Variants in LRPAP1 observed in about 807,000 individuals in gnomAD.
The protein encoded by LRPAP1 is alpha-2-macroglobulin receptor-associated protein.
A neutral mutation model predicts 39.9 loss-of-function variants in LRPAP1; 41 were observed. That is an observed-to-expected ratio of 1.03 (90% CI 0.80 to 1.33). The LOEUF is 1.33. LRPAP1 is among the 40% of genes most tolerant of loss of function. The pLI is 0.00. For missense variants in LRPAP1, 565 were observed against 482.3 expected, an observed-to-expected ratio of 1.17 and a Z score of -1.61; for synonymous variants, 263 against 212.7, an observed-to-expected ratio of 1.24 and a Z score of -2.06.
Position 3,516,185 on chromosome 4 carries a change from G to A in LRPAP1, c.765C>T (p.Pro255=). 1 of 1,575,154 alleles carries A rather than the reference G, an allele frequency of 6.3e-7. No individual in the cohort carries two copies. The highest frequency in any genetic ancestry group is 8.6e-7 in the Non-Finnish European group (1 of 1,160,660). ...CCAGGTCCCACAGGTCAATCACCCT[G>A]GGCTCCTCGAACTCTGCAGGGGAGG... The part of the protein sequence containing the change: ...GYSTEAEFEE[P]RVIDLWDLAQ... Residue 255 remains proline, a synonymous_variant, in exon 6 of 8, where the codon CCC becomes CCT. Transcript: ENST00000650182.
intron 1 of LRPAP1, among the ~76,000 whole-genome samples, chr4:3,526,109 C>G (rs947530159): frequency 1.3e-5 from 2 of 152,256 alleles, no homozygotes; most frequent in Admixed American, 6.5e-5. Context: ...GGGGAGGCTG[C>G]ACCGCATGCC....
chr4:3,518,839 A>G (rs1427197719), intron 4 of LRPAP1, 32 bp downstream of exon 4: 4 of 975,014 alleles, frequency 4.1e-6, no homozygotes, highest in Non-Finnish European at 3.9e-6. Flanking sequence ...GGGGTGGGGC[A>G]GAGGGCAGGA....
intron 2 of LRPAP1, among the ~76,000 whole-genome samples, chr4:3,524,640 C>G (rs13145720): frequency 0.12 from 18,174 of 152,266 alleles, 1,193 homozygotes; most frequent in Non-Finnish European, 0.14. Flanking sequence ...AGCACTGAGG[C>G]GAGCAGCCAC....
intron 6 of LRPAP1, among the ~76,000 whole-genome samples, 186 bp from the exon 7 acceptor site, chr4:3,515,114 C>T (rs540451147): frequency 6.6e-6 from 1 of 152,314 alleles, no homozygotes; most frequent in South Asian, 2.1e-4. Flanking sequence ...GGTCCCAGCC[C>T]GCGCCTCCTT....
chr4:3,527,623 G>A (rs1730119917), intron 1 of LRPAP1, among the ~76,000 whole-genome samples: 2 of 152,248 alleles, frequency 1.3e-5, no homozygotes, highest in Admixed American at 6.5e-5. Context: ...CCTGGGGCAG[G>A]CAATTCAGGC....
In LRPAP1 at chr4:3,514,736, T is replaced by C. The variant is rs1225807026; in HGVS notation, c.1011+16A>G. 2 of 1,585,176 alleles carry C rather than the reference T, an allele frequency of 1.3e-6. No individual in the cohort carries two copies. The highest frequency in any genetic ancestry group is 1.7e-6 in the Non-Finnish European group (2 of 1,164,604). On this transcript the variant is annotated intron_variant, in intron 7 of 7. Coordinates refer to ENST00000650182, the MANE Select transcript of LRPAP1 (RefSeq NM_002337.4). ...AGGGGAACTGTGGCCTCCCCGGTCC[T>C]GGAACCCGTGCGCACCGTGTAGCCC...
At chr4:3,514,403 G>A (rs1280248792) in intron 7 of LRPAP1, among the ~76,000 whole-genome samples, 2 of 150,232 alleles carry the variant, frequency 1.3e-5, no homozygotes, top group Non-Finnish European at 3.0e-5. Flanking sequence ...TGTGGGGAAG[G>A]AGGCTCGCCT....
Position 3,504,821 on chromosome 4 carries a change from C to T in LRPAP1, c.*8153G>A, listed in dbSNP as rs1729304049. 6.6e-6 allele frequency among the ~76,000 whole-genome samples: 1 copy of T among 151,522 alleles called. No individual in the cohort carries two copies. Among genetic ancestry groups the T allele is most frequent in the Non-Finnish European group, 1.5e-5 (1 of 67,976 alleles). ...AATTAGCTGGGTATGGTGGCAGGTG[C>T]CCATAATCCCAGCTACTTGGGAGGC... On this transcript the variant is annotated 3_prime_UTR_variant, in exon 8 of 8. Transcript: ENST00000650182.
chr4:3,524,125 C>T (rs1231173225), intron 2 of LRPAP1, among the ~76,000 whole-genome samples: 3 of 152,176 alleles, frequency 2.0e-5, no homozygotes, highest in Non-Finnish European at 4.4e-5. Flanking sequence ...CCCACGGGCC[C>T]ACCTGGTGTG....
Position 3,506,666 on chromosome 4 carries a change from C to G in LRPAP1, c.*6308G>C, listed in dbSNP as rs1729365317. On this transcript the variant is annotated 3_prime_UTR_variant, in exon 8 of 8. Coordinates refer to ENST00000650182, the MANE Select transcript of LRPAP1 (RefSeq NM_002337.4). ...GGATTCCAGGCATGAGCCACCGCAC[C>G]CGGCCGGCTCGAGCTGTTTTTAAGA... 1.3e-5 allele frequency: 2 copies of G among 152,202 alleles called. No homozygotes were observed. Among genetic ancestry groups the G allele is most frequent in the South Asian group, 2.1e-4 (1 of 4,830 alleles). 9.4% of individuals were successfully genotyped at this position (152,202 alleles called of 1,614,324 possible).
intron 6 of LRPAP1, among the ~76,000 whole-genome samples, 186 bp from the exon 7 acceptor site, chr4:3,515,114 C>G (rs540451147): frequency 6.6e-6 from 1 of 152,196 alleles, no homozygotes; most frequent in Non-Finnish European, 1.5e-5. Context: ...GGTCCCAGCC[C>G]GCGCCTCCTT....
At chr4:3,516,798 C>T (rs1729719659) in intron 5 of LRPAP1, among the ~76,000 whole-genome samples, 1 of 152,208 alleles carries the variant, frequency 6.6e-6, no homozygotes, top group South Asian at 2.1e-4. Context: ...TCCAGAGCCG[C>T]CTGCCCATGG....
intron 5 of LRPAP1, among the ~76,000 whole-genome samples, chr4:3,517,389 C>G (rs1729745254): frequency 6.6e-6 from 1 of 152,266 alleles, no homozygotes; most frequent in Admixed American, 6.5e-5. Context: ...CGGCTGCTGT[C>G]TCCTCGAGCC....
At position 3,532,389 on chromosome 4, in the gene LRPAP1, C is replaced by A. The variant is rs745909895; in HGVS notation, c.24G>T (p.Ser8=). MAPRRVR[S]FLRGLPALLL... ...GCAGCGCCGGGAGCCCGCGCAGAAA[C>A]GACCTGACCCTCCGCGGCGCCATCT... is the stretch of plus-strand genomic sequence containing the variant. Residue 8 remains serine (S), a synonymous_variant, in exon 1 of 8, where the codon TCG becomes TCT. Coordinates refer to ENST00000650182, the MANE Select transcript of LRPAP1 (RefSeq NM_002337.4). 6.3e-6 allele frequency: 10 copies of A among 1,587,184 alleles called. No homozygotes were observed. The highest frequency in any genetic ancestry group is 8.6e-6 in the Non-Finnish European group (10 of 1,167,390).
At chr4:3,514,958 C>T in intron 6 of LRPAP1, 30 bp from the exon 7 acceptor site, 2 of 1,608,082 alleles carry the variant, frequency 1.2e-6, no homozygotes, top group Non-Finnish European at 8.5e-7. Context: ...GGTGAGTGTT[C>T]CCTTCCCGTG....
chr4:3,515,984 T>TTTA, intron 6 of LRPAP1, 132 bp downstream of exon 6: 1 of 853,336 alleles, frequency 1.2e-6, no homozygotes. Flanking sequence ...GTTCACCGAG[T>TTTA]GGTTAAGGAA....
chr4:3,529,388 G>A (rs1365663462), intron 1 of LRPAP1, among the ~76,000 whole-genome samples: 1 of 152,130 alleles, frequency 6.6e-6, no homozygotes, highest in Non-Finnish European at 1.5e-5. Flanking sequence ...CCGAGCTCAT[G>A]GCACCGTGCA....
rs1314640048 is a variant in LRPAP1, at chr4:3,532,406, G to C, written c.7C>G (p.Pro3Ala). Reference protein sequence around the residue: MAPRRVRSFLRGL... With the variant: MAARRVRSFLRGL... Reference sequence around the variant, plus strand: ...CGCAGAAACGACCTGACCCTCCGCGGCGCCATCTTCCTCTGCGACTGGCGC... The same window carrying C: ...CGCAGAAACGACCTGACCCTCCGCGCCGCCATCTTCCTCTGCGACTGGCGC... Residue 3 changes from proline to alanine, a missense_variant, in exon 1 of 8, where the codon CCG becomes GCG. Physicochemically the swap from Pro to Ala is conservative, Grantham distance 27 (BLOSUM62 -1). Coordinates refer to ENST00000650182, the MANE Select transcript of LRPAP1 (RefSeq NM_002337.4). 2.5e-6 allele frequency: 4 copies of C among 1,570,600 alleles called. No individual in the cohort carries two copies. The highest frequency in any genetic ancestry group is 1.8e-5 in the Admixed American group (1 of 55,046).
intron 5 of LRPAP1, among the ~76,000 whole-genome samples, chr4:3,516,899 G>T (rs910964938): frequency 1.1e-4 from 17 of 152,350 alleles, no homozygotes; most frequent in Middle Eastern, 3.4e-3. Flanking sequence ...CTTGCTGGAA[G>T]GCCCAGGCAG....
Sources: allele counts gnomAD v4.1 joint callset (sites outside exome capture counted in the v4.1 genomes callset), GRCh38; gene constraint gnomAD v4.1.1; transcripts MANE v1.5; gene names NCBI Gene and HGNC (gene_info 2026-07-23, HGNC 2026-07-21).